Variants in FBXW10B observed in about 807,000 individuals in gnomAD.
FBXW10B encodes F-box and WD repeat domain containing 10B.
chr17:15,571,447 A>G, the FBXW10B span: 3 of 152,226 alleles, frequency 2.0e-5, no homozygotes, highest in African/African-American at 7.2e-5. Context: ...ATCATAGGGG[A>G]AATGCAAATT....
the FBXW10B span, chr17:15,612,866 C>T: frequency 6.2e-7 from 1 of 1,600,998 alleles, no homozygotes; most frequent in African/African-American, 1.4e-5. Flanking sequence ...CAGAAAATGG[C>T]TTCTCTTGGC....
chr17:15,601,506 G>C, the FBXW10B span, among the ~76,000 whole-genome samples: 1 of 150,332 alleles, frequency 6.7e-6, no homozygotes, highest in African/African-American at 2.4e-5. Context: ...CCAGACACAA[G>C]ATCAATTTAC....
chr17:15,580,312 T>G, the FBXW10B span, among the ~76,000 whole-genome samples: 1 of 152,152 alleles, frequency 6.6e-6, no homozygotes, highest in Non-Finnish European at 1.5e-5. Flanking sequence ...CAACTCTATT[T>G]CAGATTGTTC....
chr17:15,595,137 T>G, the FBXW10B span, among the ~76,000 whole-genome samples: 2 of 152,012 alleles, frequency 1.3e-5, no homozygotes, highest in African/African-American at 4.8e-5. Context: ...GTCAGGATAT[T>G]GAGACCATCC....
the FBXW10B span, among the ~76,000 whole-genome samples, chr17:15,612,183 T>A: frequency 6.6e-6 from 1 of 151,984 alleles, no homozygotes; most frequent in Non-Finnish European, 1.5e-5. Flanking sequence ...AATCCACCCA[T>A]CCAACACATG....
At chr17:15,604,649 C>T in the FBXW10B span, among the ~76,000 whole-genome samples, 1 of 152,132 alleles carries the variant, frequency 6.6e-6, no homozygotes, top group Non-Finnish European at 1.5e-5. Flanking sequence ...ATTCTCCTGC[C>T]TCAGCGTCCC....
At chr17:15,589,855 T>C in the FBXW10B span, among the ~76,000 whole-genome samples, 1 of 152,274 alleles carries the variant, frequency 6.6e-6, no homozygotes, top group South Asian at 2.1e-4. Context: ...TAAAAGCTCT[T>C]ACACTCCAAT....
the FBXW10B span, among the ~76,000 whole-genome samples, chr17:15,602,331 G>C: frequency 1.3e-5 from 2 of 152,058 alleles, no homozygotes; most frequent in South Asian, 2.1e-4. Context: ...CAAATCAATG[G>C]AGGAAGTGGC....
At chr17:15,574,292 G>A in the FBXW10B span, 2 of 520,470 alleles carry the variant, frequency 3.8e-6, no homozygotes, top group Non-Finnish European at 6.7e-6. Flanking sequence ...GGAAAATACT[G>A]GTCTTCCTGT....
the FBXW10B span, chr17:15,566,025 CT>C: frequency 6.2e-7 from 1 of 1,610,350 alleles, no homozygotes; most frequent in Admixed American, 1.7e-5. Flanking sequence ...GCTGCAGTTT[CT>C]GGATTTCAAG....
chr17:15,618,565 A>G, the FBXW10B span, among the ~76,000 whole-genome samples: 3 of 151,542 alleles, frequency 2.0e-5, no homozygotes, highest in African/African-American at 7.3e-5. Flanking sequence ...TGAAAAAAAA[A>G]AAAAGCCCTA....
the FBXW10B span, chr17:15,619,258 G>T: frequency 6.2e-7 from 1 of 1,613,950 alleles, no homozygotes. Flanking sequence ...TGTTATAGAT[G>T]AAATCCTTTC....
At chr17:15,606,626 T>C in the FBXW10B span, among the ~76,000 whole-genome samples, 2,297 of 146,080 alleles carry the variant, frequency 0.016, 72 homozygotes, top group African/African-American at 0.058. Flanking sequence ...TATATACATG[T>C]ACATATATGT....
the FBXW10B span, among the ~76,000 whole-genome samples, chr17:15,595,235 G>A: frequency 6.6e-6 from 1 of 152,148 alleles, no homozygotes; most frequent in Admixed American, 6.5e-5. Flanking sequence ...AGCCACTCGG[G>A]TGGCTGAGGC....
At chr17:15,598,048 C>T in the FBXW10B span, among the ~76,000 whole-genome samples, 1 of 152,072 alleles carries the variant, frequency 6.6e-6, no homozygotes, top group Non-Finnish European at 1.5e-5. Flanking sequence ...CTTTCCTTCA[C>T]TTATATTTTA....
the FBXW10B span, among the ~76,000 whole-genome samples, chr17:15,592,224 T>G: frequency 8.6e-4 from 131 of 152,190 alleles, 2 homozygotes; most frequent in East Asian, 0.023. Context: ...GAAATCCCTT[T>G]TAGACTTCCG....
At chr17:15,590,815 T>G in the FBXW10B span, among the ~76,000 whole-genome samples, 871 of 152,290 alleles carry the variant, frequency 5.7e-3, 7 homozygotes, top group African/African-American at 0.02. Flanking sequence ...CTTCAGCACT[T>G]GGGTCCCTGC....
At chr17:15,570,889 G>A in the FBXW10B span, among the ~76,000 whole-genome samples, 272 of 152,252 alleles carry the variant, frequency 1.8e-3, 1 homozygote, top group Non-Finnish European at 2.7e-3. Flanking sequence ...TAGATAAACT[G>A]TACTTCATCA....
At chr17:15,593,781 A>G in the FBXW10B span, among the ~76,000 whole-genome samples, 1 of 152,072 alleles carries the variant, frequency 6.6e-6, no homozygotes, top group Non-Finnish European at 1.5e-5. Context: ...GTGATGCGCC[A>G]CCAAGCCTGG....
Sources: allele counts gnomAD v4.1 joint callset (sites outside exome capture counted in the v4.1 genomes callset), GRCh38; gene constraint gnomAD v4.1.1; transcripts MANE v1.5; gene names NCBI Gene and HGNC (gene_info 2026-07-23, HGNC 2026-07-21).